Variants in UIMC1 observed in about 807,000 individuals in gnomAD.
UIMC1 encodes ubiquitin interaction motif containing 1, also known as BRCA1-A complex subunit RAP80.
UIMC1 carries 42 observed loss-of-function variants against 84.9 expected under a neutral mutation model. That is an observed-to-expected ratio of 0.49 (90% CI 0.39 to 0.64). The LOEUF (loss-of-function observed/expected upper bound fraction) is 0.64, where lower values mean the gene tolerates loss of function less well. UIMC1 is among the 30% of genes least tolerant of loss of function. The pLI, the probability that UIMC1 is intolerant of heterozygous loss-of-function variation, is 0.00. For missense variants in UIMC1, 825 were observed against 847.6 expected (o/e 0.97, Z 0.33); for synonymous variants, 281 against 293.0 (o/e 0.96, Z 0.42).
At chr5:176,943,809 A>G (rs1403379417) in intron 9 of UIMC1, among the ~76,000 whole-genome samples, 2 of 152,246 alleles carry the variant, frequency 1.3e-5, no homozygotes, top group Non-Finnish European at 1.5e-5. Context: ...TTAATCTTAC[A>G]AAGTTATTAG....
At chr5:177,019,597 A>C (rs1015353512) in intron 1 of UIMC1, among the ~76,000 whole-genome samples, 1 of 150,154 alleles carries the variant, frequency 6.7e-6, no homozygotes, top group South Asian at 2.1e-4. Context: ...AGCTATGATC[A>C]TACCACTGCA....
chr5:176,930,693 C>T (rs982434758), intron 10 of UIMC1, among the ~76,000 whole-genome samples: 13 of 152,122 alleles, frequency 8.5e-5, no homozygotes, highest in Non-Finnish European at 1.5e-5. Context: ...TATATACGGC[C>T]GTTAGAAAAC....
chr5:176,970,994 C>A, intron 3 of UIMC1, 128 bp from the exon 4 acceptor site: 1 of 1,270,962 alleles, frequency 7.9e-7, no homozygotes, highest in Admixed American at 2.8e-5. Flanking sequence ...ATTTTATAAT[C>A]TTGTAAATGA....
Position 176,950,762 on chromosome 5 carries a change from C to T in UIMC1, c.1443+712G>A, listed in dbSNP as rs1007155578. Among the ~76,000 whole-genome samples the T allele has an allele frequency of 2.0e-5, 3 of 151,922 alleles. No individual in the cohort carries two copies. The Middle Eastern group carries it at 0.01, about 517-fold the overall frequency. On this transcript the variant is annotated intron_variant, in intron 9 of 14. Coordinates refer to ENST00000511320, the MANE Select transcript of UIMC1 (RefSeq NM_001199298.2). The stretch of plus-strand genomic sequence containing the variant: ...TCGTGCACCTGTAATCCCAGCTACT[C>T]GGGTGGCTGAGGCAGGAGAAACACT...
intron 1 of UIMC1, among the ~76,000 whole-genome samples, chr5:177,019,959 A>C (rs1488089362): frequency 6.6e-6 from 1 of 152,070 alleles, no homozygotes; most frequent in Non-Finnish European, 1.5e-5. Flanking sequence ...ACACTGGCCA[A>C]ACATCAGTCA....
rs1385630407 is a variant in UIMC1 at position 176,943,336 on chromosome 5, T to C, written c.1596A>G (p.Thr532=). ...TTGGCTGTCCTGCTGGGTCTTTACC[T>C]GTATCTTCCTCCATCAGACCATTGC... ...MYCNGLMEED[T]VLTRRQKEAK... is the part of the protein sequence containing the mutation. Residue 532 remains threonine (T), a splice_region_variant and synonymous_variant, in exon 10 of 15, where the codon ACA becomes ACG. Transcript: ENST00000511320. 1.2e-6 allele frequency: 2 copies of C among 1,613,768 alleles called. No individual in the cohort carries two copies. The highest frequency in any genetic ancestry group is 2.7e-5 in the African/African-American group (2 of 74,902).
In UIMC1 at chr5:176,914,039, C is replaced by CACCATACCATACCATACCATACCAT. The variant is rs79787456; in HGVS notation, c.1598-2675_1598-2651dup. On this transcript the variant is annotated intron_variant, in intron 10 of 14. Coordinates refer to ENST00000511320, the MANE Select transcript of UIMC1 (RefSeq NM_001199298.2). ...ATACCATACACCATACCATACCATACACCATACCATACCATACCATACCAT... is the reference window on the plus strand; with the variant it reads ...ATACCATACACCATACCATACCATACACCATACCATACCATACCATACCATACCATACCATACCATACCATACCAT... 2.2e-3 allele frequency among the ~76,000 whole-genome samples: 303 copies of CACCATACCATACCATACCATACCAT among 139,964 alleles called. 1 individual carries two copies. Among genetic ancestry groups the CACCATACCATACCATACCATACCAT allele is most frequent in the African/African-American group, 8.1e-3 (291 of 36,098 alleles). 91.8% of individuals were successfully genotyped at this position (139,964 alleles called of 152,430 possible). A position where few individuals can be genotyped will look rare whatever the true frequency, so the allele number is the denominator to read the frequency against.
intron 1 of UIMC1, chr5:177,006,366 C>T (rs990494591): frequency 6.6e-6 from 1 of 152,292 alleles, no homozygotes; most frequent in Non-Finnish European, 1.5e-5. Flanking sequence ...CGTCCGGAAT[C>T]CGCCCCGGAA....
At chr5:176,912,866 C>T (rs1760436750) in intron 10 of UIMC1, among the ~76,000 whole-genome samples, 1 of 152,144 alleles carries the variant, frequency 6.6e-6, no homozygotes, top group Non-Finnish European at 1.5e-5. Context: ...CGGGGTTTCA[C>T]AATGTTAGCC....
At chr5:176,967,075 A>G (rs1768415016) in intron 6 of UIMC1, among the ~76,000 whole-genome samples, 1 of 152,254 alleles carries the variant, frequency 6.6e-6, no homozygotes, top group African/African-American at 2.4e-5. Flanking sequence ...GTATTCATAC[A>G]CTGCCAGTGG....
At chr5:176,994,438 T>C (rs781030801) in intron 1 of UIMC1, among the ~76,000 whole-genome samples, 17 of 149,014 alleles carry the variant, frequency 1.1e-4, no homozygotes, top group Non-Finnish European at 2.1e-4. Context: ...ATGCAGAATA[T>C]AATGAACCTC....
upstream of UIMC1, among the ~76,000 whole-genome samples, chr5:177,011,205 GAAGAA>G: frequency 6.7e-6 from 1 of 149,886 alleles, no homozygotes; most frequent in East Asian, 2.0e-4. Context: ...AAAAAAAAAA[GAAGAA>G]AAGAAAAAAA....
intron 7 of UIMC1, 67 bp from the exon 8 acceptor site, chr5:176,956,102 T>C: frequency 1.3e-6 from 2 of 1,495,178 alleles, no homozygotes; most frequent in Admixed American, 1.8e-5. Context: ...CCAAAAGCAA[T>C]GGTGAGTCAC....
chr5:176,907,262 T>C lies in UIMC1; in HGVS notation c.1849-85A>G, dbSNP rs1413270717. The C allele has an allele frequency of 3.3e-5, 44 of 1,333,666 alleles. No homozygotes were observed. In the Admixed American group the frequency reaches 6.0e-4, roughly 18 times the overall value. 82.6% of individuals were successfully genotyped at this position (1,333,666 alleles called of 1,614,324 possible). A position where few individuals can be genotyped will look rare whatever the true frequency, so the allele number is the denominator to read the frequency against. The stretch of plus-strand genomic sequence containing the variant: ...CCACAGCCCAGATCACACGTGTTCA[T>C]AGAAGAGAAAAGGTGTGGGGGCCAC... On this transcript the variant is annotated intron_variant, in intron 12 of 14. Transcript: ENST00000511320.
At chr5:176,974,831 G>A in intron 3 of UIMC1, among the ~76,000 whole-genome samples, 1 of 151,736 alleles carries the variant, frequency 6.6e-6, no homozygotes, top group East Asian at 1.9e-4. Context: ...AAAATAAAAA[G>A]GAATCATAAA....
rs1159296704 is a variant in UIMC1, at chr5:176,958,111, G to A, written c.1244C>T (p.Ser415Phe). Residue 415 changes from serine (S) to phenylalanine (F), a missense_variant, in exon 7 of 15, where the codon TCT (serine) becomes TTT (phenylalanine). Physicochemically the swap from Ser to Phe is radical, Grantham distance 155. Transcript: ENST00000511320. Reference sequence around the variant, plus strand: ...CTCTCACCTTTGTGAAGCAGGTACAGAGTTTCCCTCTTCAGAAGTTTCTTC... The same window carrying A: ...CTCTCACCTTTGTGAAGCAGGTACAAAGTTTCCCTCTTCAGAAGTTTCTTC... ...IVEETSEEGN[S>F]VPASQSVAAL... 37 of 1,613,860 alleles carry A rather than the reference G, an allele frequency of 2.3e-5. No homozygotes were observed. The highest frequency in any genetic ancestry group is 2.9e-5 in the Non-Finnish European group (34 of 1,179,792).
chr5:176,943,516 A>G (rs1386794201), intron 9 of UIMC1, 28 bp from the exon 10 acceptor site: 2 of 1,611,062 alleles, frequency 1.2e-6, no homozygotes, highest in East Asian at 2.2e-5. Flanking sequence ...CAGCAATCAT[A>G]ACAGCTTTAG....
intron 1 of UIMC1, among the ~76,000 whole-genome samples, chr5:177,017,604 C>T (rs180997863): frequency 1.6e-4 from 24 of 151,522 alleles, no homozygotes; most frequent in Middle Eastern, 3.5e-3. Flanking sequence ...AACTCCTGTC[C>T]GCAGGTGATC....
At chr5:176,955,030 C>T (rs1021727486) in intron 8 of UIMC1, among the ~76,000 whole-genome samples, 2 of 152,030 alleles carry the variant, frequency 1.3e-5, no homozygotes. Flanking sequence ...AGTAGGAAGT[C>T]CCTCAATCTC....
Sources: gnomAD v4.1 joint callset for allele counts (sites outside exome capture counted in the v4.1 genomes callset) on GRCh38, gnomAD v4.1.1 for gene constraint, MANE v1.5 for transcripts, NCBI Gene and HGNC (gene_info 2026-07-23, HGNC 2026-07-21) for gene names.